ITFG1: variants seen among roughly 807,000 people sequenced by gnomAD.
ITFG1 encodes integrin alpha FG-GAP repeat containing 1, also known as T-cell immunomodulatory protein.
In ITFG1, 34 loss-of-function variants were observed where a neutral mutation model predicts 81.8. The ratio of observed to expected loss-of-function variants is 0.42; its 90% CI spans 0.32 to 0.55. ITFG1 has a LOEUF of 0.55. ITFG1 is among the 20% of genes least tolerant of loss of function. The pLI is 0.17. For synonymous variants in ITFG1, 285 were observed against 270.6 expected (o/e 1.05, Z -0.52); for missense variants, 672 against 755.4 (o/e 0.89, Z 1.29).
rs569498669 is a variant in ITFG1 at position 47,199,347 on chromosome 16, C to T, written c.1453+19521G>A. ...AAGCATGCAGTGTGTATAAAATATA[C>T]AATAGTGCATAGTAATGTCCTAGGA... On this transcript the variant is annotated intron_variant, in intron 14 of 17. Transcript: ENST00000320640. Among the ~76,000 whole-genome samples, 40 of 152,202 alleles carry T rather than the reference C, an allele frequency of 2.6e-4. 2 individuals carry two copies. The South Asian group carries it at 8.1e-3, about 31-fold the overall frequency.
At chr16:47,350,244 A>C (rs1364952468) in intron 8 of ITFG1, among the ~76,000 whole-genome samples, 1 of 152,236 alleles carries the variant, frequency 6.6e-6, no homozygotes, top group African/African-American at 2.4e-5. Context: ...AGAGACAAAA[A>C]AACCCTTCAA....
chr16:47,436,312 T>TA (rs1260132073), intron 5 of ITFG1, among the ~76,000 whole-genome samples: 9 of 151,844 alleles, frequency 5.9e-5, no homozygotes, highest in Admixed American at 5.2e-4. Context: ...ACAAATCAGC[T>TA]AAAAAAAATA....
chr16:47,270,839 A>ATTTT (rs1214661709), intron 10 of ITFG1, among the ~76,000 whole-genome samples: 916 of 152,312 alleles, frequency 6.0e-3, no homozygotes, highest in African/African-American at 0.02. Context: ...ATTAATATAA[A>ATTTT]ATATTAGAAA....
chr16:47,384,437 T>C (rs1004931885), intron 6 of ITFG1, among the ~76,000 whole-genome samples: 2 of 152,224 alleles, frequency 1.3e-5, no homozygotes, highest in African/African-American at 2.4e-5. Context: ...TAACTATTCT[T>C]AGTTCACTTT....
chr16:47,409,004 C>T (rs1399244555), intron 6 of ITFG1, among the ~76,000 whole-genome samples: 2 of 151,678 alleles, frequency 1.3e-5, no homozygotes, highest in Non-Finnish European at 2.9e-5. Flanking sequence ...TGAAGTCTCT[C>T]GAAAATGCTA....
At chr16:47,442,203 A>G (rs1467604192) in intron 5 of ITFG1, among the ~76,000 whole-genome samples, 1 of 152,224 alleles carries the variant, frequency 6.6e-6, no homozygotes, top group African/African-American at 2.4e-5. Context: ...ATGGAAGAAC[A>G]TTCCATGCGC....
At position 47,356,639 on chromosome 16, in the gene ITFG1, T is replaced by C. The variant is rs1291553167; in HGVS notation, c.802+9149A>G. ...CTATCCATCCATCACCCACCATTCA[T>C]TCAACCCATCAATTCATTATTCAGC... On this transcript the variant is annotated intron_variant, in intron 8 of 17. Coordinates refer to ENST00000320640, the MANE Select transcript of ITFG1 (RefSeq NM_030790.5). Among the ~76,000 whole-genome samples the C allele has an allele frequency of 2.0e-5, 3 of 152,228 alleles. No homozygotes were observed. In the East Asian group the frequency reaches 5.8e-4, roughly 29 times the overall value.
At chr16:47,222,926 C>T (rs185324993) in intron 13 of ITFG1, among the ~76,000 whole-genome samples, 117 of 152,152 alleles carry the variant, frequency 7.7e-4, no homozygotes, top group Middle Eastern at 3.4e-3. Context: ...TAGGAAATAA[C>T]GCCGTATATC....
chr16:47,273,667 G>A (rs1596853306), intron 10 of ITFG1, among the ~76,000 whole-genome samples: 1 of 152,158 alleles, frequency 6.6e-6, no homozygotes, highest in Non-Finnish European at 1.5e-5. Context: ...GAGGCCAACT[G>A]AAAGGGAAAC....
chr16:47,397,158 A>G (rs1246084337), intron 6 of ITFG1, among the ~76,000 whole-genome samples: 1 of 152,238 alleles, frequency 6.6e-6, no homozygotes, highest in Non-Finnish European at 1.5e-5. Flanking sequence ...AAACACCAAA[A>G]TATGAGGCAT....
At chr16:47,233,975 C>T (rs1459377364) in intron 13 of ITFG1, among the ~76,000 whole-genome samples, 2 of 152,192 alleles carry the variant, frequency 1.3e-5, no homozygotes, top group African/African-American at 4.8e-5. Context: ...TCCAACACAA[C>T]AGCTACTGTG....
At chr16:47,359,899 T>A (rs1246845412) in intron 8 of ITFG1, among the ~76,000 whole-genome samples, 2 of 152,230 alleles carry the variant, frequency 1.3e-5, no homozygotes, top group East Asian at 1.9e-4. Flanking sequence ...TAATTCCTTA[T>A]TAATTTAATT....
At chr16:47,245,286 T>C (rs1965987614) in intron 12 of ITFG1, among the ~76,000 whole-genome samples, 1 of 151,804 alleles carries the variant, frequency 6.6e-6, no homozygotes, top group African/African-American at 2.4e-5. Context: ...GAGGTGGAGG[T>C]TGCAGTGAGC....
chr16:47,289,390 C>T (rs1966883696), intron 10 of ITFG1, among the ~76,000 whole-genome samples: 1 of 152,154 alleles, frequency 6.6e-6, no homozygotes, highest in Non-Finnish European at 1.5e-5. Flanking sequence ...AGAATTTCCA[C>T]CTCCTAAATT....
At chr16:47,298,369 C>T (rs1315414359) in intron 10 of ITFG1, among the ~76,000 whole-genome samples, 1 of 152,058 alleles carries the variant, frequency 6.6e-6, no homozygotes, top group African/African-American at 2.4e-5. Context: ...TTTGGGGATG[C>T]CATAACCCTT....
intron 10 of ITFG1, among the ~76,000 whole-genome samples, chr16:47,306,033 G>A (rs1252033900): frequency 6.6e-6 from 1 of 152,094 alleles, no homozygotes; most frequent in African/African-American, 2.4e-5. Context: ...GAAGTAATCG[G>A]GGTCGGGAGA....
At position 47,410,473 on chromosome 16, in the gene ITFG1, C is replaced by T. The variant is rs1335919364; in HGVS notation, c.655+18331G>A. Among the ~76,000 whole-genome samples, 12 of 151,894 alleles carry T rather than the reference C, an allele frequency of 7.9e-5. No homozygotes were observed. The East Asian group carries it at 1.2e-3, about 15-fold the overall frequency. ...CGGCTGACTAGACACAGCCAGGAAG[C>T]GCCTCTCCCACTGAGAAAGACTAAA... On this transcript the variant is annotated intron_variant, in intron 6 of 17. Transcript: ENST00000320640.
At chr16:47,400,595 T>G (rs1463451545) in intron 6 of ITFG1, among the ~76,000 whole-genome samples, 1 of 151,988 alleles carries the variant, frequency 6.6e-6, no homozygotes, top group African/African-American at 2.4e-5. Flanking sequence ...CAAAGACAAG[T>G]AAATAACCAA....
At chr16:47,306,393 TG>T (rs1403143702) in intron 10 of ITFG1, among the ~76,000 whole-genome samples, 9 of 152,092 alleles carry the variant, frequency 5.9e-5, no homozygotes, top group African/African-American at 2.2e-4. Flanking sequence ...GCATAAAAAA[TG>T]AAGAGATAGA....
Sources: gnomAD v4.1 joint callset for allele counts (sites outside exome capture counted in the v4.1 genomes callset) on GRCh38, gnomAD v4.1.1 for gene constraint, MANE v1.5 for transcripts, NCBI Gene and HGNC (gene_info 2026-07-23, HGNC 2026-07-21) for gene names.